The following MGAT4C variants were observed in gnomAD, a reference collection of about 807,000 sequenced individuals.
MGAT4C encodes the protein MGAT4 family member C, also known as alpha-1,3-mannosyl-glycoprotein 4-beta-N-acetylglucosaminyltransferase C.
MGAT4C carries 19 observed loss-of-function variants against 40.1 expected under a neutral mutation model. That is an observed-to-expected ratio of 0.47 (90% confidence interval 0.33 to 0.70). The LOEUF (loss-of-function observed/expected upper bound fraction) is 0.70. Among genes scored for constraint, MGAT4C ranks in the 30% least tolerant of loss-of-function variants. MGAT4C has a pLI of 0.02. For missense variants in MGAT4C, 491 were observed against 563.2 expected (o/e 0.87, Z 1.30); for synonymous variants, 181 against 187.1 (o/e 0.97, Z 0.27).
chr12:86,264,371 A>G (rs1275302268), intron 4 of MGAT4C, among the ~76,000 whole-genome samples: 1 of 152,182 alleles, frequency 6.6e-6, no homozygotes, highest in African/African-American at 2.4e-5. Flanking sequence ...GATAGGGGAT[A>G]GGAGCCGTGT....
At chr12:86,807,313 G>A (rs946449617) in intron 1 of MGAT4C, among the ~76,000 whole-genome samples, 6 of 151,704 alleles carry the variant, frequency 4.0e-5, no homozygotes, top group Admixed American at 1.3e-4. Flanking sequence ...TGTGTGCTGC[G>A]CCCCAGTGTG....
At chr12:86,234,875 T>G (rs1366663341) in intron 1 of MGAT4C, among the ~76,000 whole-genome samples, 2 of 152,192 alleles carry the variant, frequency 1.3e-5, no homozygotes, top group African/African-American at 4.8e-5. Flanking sequence ...ACACATGAAC[T>G]GGTACTTCAT....
chr12:86,277,837 C>A (rs181885373), intron 4 of MGAT4C, among the ~76,000 whole-genome samples: 4 of 152,108 alleles, frequency 2.6e-5, no homozygotes, highest in Admixed American at 1.3e-4. Flanking sequence ...ATGATTCCTC[C>A]AATTTTGATT....
intron 1 of MGAT4C, among the ~76,000 whole-genome samples, chr12:86,777,812 A>G (rs1951770394): frequency 6.6e-6 from 1 of 152,338 alleles, no homozygotes; most frequent in African/African-American, 2.4e-5. Context: ...ATTACCTTAA[A>G]TCTTAAAAGA....
chr12:86,795,887 G>A (rs1009324228), intron 1 of MGAT4C, among the ~76,000 whole-genome samples: 1 of 151,968 alleles, frequency 6.6e-6, no homozygotes, highest in Admixed American at 6.6e-5. Context: ...ATGAATGCCT[G>A]TAAAGTGTGT....
At chr12:86,039,383 C>T (rs182134880) in intron 2 of MGAT4C, among the ~76,000 whole-genome samples, 16 of 152,310 alleles carry the variant, frequency 1.1e-4, no homozygotes, top group African/African-American at 3.8e-4. Context: ...GGTCTTTTCA[C>T]ATAGTCCCAT....
chr12:86,191,676 CT>C (rs1889496138), intron 1 of MGAT4C, among the ~76,000 whole-genome samples: 1 of 135,148 alleles, frequency 7.4e-6, no homozygotes, highest in African/African-American at 2.7e-5. Context: ...CACACACACC[CT>C]TATCTCCTGT....
intron 2 of MGAT4C, among the ~76,000 whole-genome samples, chr12:86,505,107 G>A (rs371094556): frequency 2.6e-5 from 4 of 151,908 alleles, no homozygotes; most frequent in South Asian, 2.1e-4. Flanking sequence ...CAGTGATAAC[G>A]CCTGGTTAAA....
At chr12:86,679,402 G>C (rs760560105) in intron 2 of MGAT4C, among the ~76,000 whole-genome samples, 2 of 151,922 alleles carry the variant, frequency 1.3e-5, no homozygotes, top group Non-Finnish European at 2.9e-5. Context: ...ATCCTATAGT[G>C]GTTTTCTGTC....
At chr12:86,821,814 G>C (rs567442091) in intron 1 of MGAT4C, among the ~76,000 whole-genome samples, 2 of 150,856 alleles carry the variant, frequency 1.3e-5, no homozygotes, top group Admixed American at 6.7e-5. Context: ...CCTGACAAAG[G>C]TTTAAAATTA....
intron 3 of MGAT4C, among the ~76,000 whole-genome samples, chr12:86,424,056 G>T (rs1956879857): frequency 6.6e-6 from 1 of 152,136 alleles, no homozygotes; most frequent in South Asian, 2.1e-4. Flanking sequence ...GTGTAAGGAT[G>T]AAAGAATGCA....
intron 2 of MGAT4C, among the ~76,000 whole-genome samples, chr12:86,709,441 T>C (rs964610202): frequency 6.6e-6 from 1 of 152,194 alleles, no homozygotes; most frequent in Non-Finnish European, 1.5e-5. Flanking sequence ...AATAAAATTA[T>C]CACAATCAGG....
Position 86,114,032 on chromosome 12 carries a change from A to G in MGAT4C, c.-56-64309T>C, listed in dbSNP as rs1411374162. ...GGGTTGATAAGATTGTGAGTTCTCT[A>G]TATCTGCTTCTGTGTCTACCTTTTG... On this transcript the variant is annotated intron_variant, in intron 1 of 4. Transcript: ENST00000611864. Among the ~76,000 whole-genome samples, 5 of 151,992 alleles carry G rather than the reference A, an allele frequency of 3.3e-5. No homozygotes were observed. The East Asian group carries it at 7.7e-4, about 23-fold the overall frequency.
chr12:86,588,562 A>G (rs1254139706), intron 2 of MGAT4C, among the ~76,000 whole-genome samples: 3 of 152,052 alleles, frequency 2.0e-5, no homozygotes, highest in African/African-American at 7.2e-5. Flanking sequence ...CCTAATAGAC[A>G]TCTACAGAAC....
chr12:86,718,730 G>A (rs1302359055), intron 2 of MGAT4C, among the ~76,000 whole-genome samples: 1 of 152,070 alleles, frequency 6.6e-6, no homozygotes, highest in Non-Finnish European at 1.5e-5. Context: ...ATTCTTATAG[G>A]AGCAAGAACC....
chr12:86,722,706 T>C (rs763874542), intron 2 of MGAT4C, among the ~76,000 whole-genome samples: 8 of 152,152 alleles, frequency 5.3e-5, no homozygotes, highest in Non-Finnish European at 1.2e-4. Flanking sequence ...TCTATTCATA[T>C]CTCAGCATTG....
chr12:86,712,197 C>T (rs1033834998), intron 2 of MGAT4C, among the ~76,000 whole-genome samples: 3 of 151,702 alleles, frequency 2.0e-5, no homozygotes, highest in African/African-American at 4.8e-5. Flanking sequence ...AAAAGATATC[C>T]ACAATTTTTA....
rs1040801411 is a variant in MGAT4C at position 86,835,997 on chromosome 12, G to A, written c.-262+2669C>T. On this transcript the variant is annotated intron_variant, in intron 1 of 7. Coordinates refer to the MGAT4C transcript ENST00000548651. ...TGAGCATATGCGGTGCACAAACTAC[G>A]TATTTATTATTTAATTCATGTGATC... Among the ~76,000 whole-genome samples, 9 of 151,656 alleles carry A rather than the reference G, an allele frequency of 5.9e-5. No homozygotes were observed. In the South Asian group the frequency reaches 6.2e-4, roughly 10 times the overall value.
intron 2 of MGAT4C, among the ~76,000 whole-genome samples, chr12:86,494,893 A>G (rs1439781861): frequency 6.6e-6 from 1 of 152,112 alleles, no homozygotes; most frequent in South Asian, 2.1e-4. Context: ...AAATAGTAAT[A>G]AGATATGTTT....
Sources: gnomAD v4.1 joint callset for allele counts (sites outside exome capture counted in the v4.1 genomes callset) on GRCh38, gnomAD v4.1.1 for gene constraint, MANE v1.5 for transcripts, NCBI Gene and HGNC (gene_info 2026-07-23, HGNC 2026-07-21) for gene names.